Variants in SNX22 observed in about 807,000 individuals in gnomAD.
The protein encoded by SNX22 is sorting nexin-22.
Under a neutral mutation model 24.7 loss-of-function variants are expected in SNX22, and 23 were observed. That is an observed-to-expected ratio of 0.93 (90% CI 0.67 to 1.32). The LOEUF (loss-of-function observed/expected upper bound fraction) is 1.32, where lower values mean the gene tolerates loss of function less well. SNX22 is among the 40% of genes most tolerant of loss of function. SNX22 has a pLI of 0.00. For synonymous variants in SNX22, 99 were observed against 104.0 expected, an observed-to-expected ratio of 0.95 and a Z score of 0.29; for missense variants, 261 against 249.9, an observed-to-expected ratio of 1.04 and a Z score of -0.30.
At position 64,155,701 on chromosome 15, in the gene SNX22, C is replaced by G. The variant is rs945175963; in HGVS notation, c.*1193C>G. The G allele has an allele frequency of 8.8e-6, 3 of 341,230 alleles. No homozygotes were observed. Among genetic ancestry groups the G allele is most frequent in the African/African-American group, 6.3e-5 (3 of 47,256 alleles). 21.1% of individuals were successfully genotyped at this position (341,230 alleles called of 1,614,324 possible). A position where few individuals can be genotyped will look rare whatever the true frequency, so the allele number is the denominator to read the frequency against. Reference sequence around the variant, plus strand: ...CTGGGTAGCTCCTGGGTCAAAATTTCAGGCAGGATCCCAGGGAAGGGGCAG... The same window carrying G: ...CTGGGTAGCTCCTGGGTCAAAATTTGAGGCAGGATCCCAGGGAAGGGGCAG... On this transcript the variant is annotated 3_prime_UTR_variant, in exon 7 of 7. Transcript: ENST00000325881.
rs1039182148 is a variant in SNX22, at chr15:64,155,288, A to G, written c.*780A>G. The G allele has an allele frequency of 6.6e-6, 1 of 151,530 alleles. No individual in the cohort carries two copies. Among genetic ancestry groups the G allele is most frequent in the Non-Finnish European group, 1.5e-5 (1 of 68,238 alleles). 9.4% of individuals were successfully genotyped at this position (151,530 alleles called of 1,614,324 possible). On this transcript the variant is annotated 3_prime_UTR_variant, in exon 7 of 7. Transcript: ENST00000325881. ...CAAGGCAGGAGAATCTCTTGAAGCC[A>G]GGAGGCGGAAGTTGTGGTGAGCCGA...
chr15:64,156,956 C>A lies in SNX22; in HGVS notation c.*2448C>A. 2 of 1,592,432 alleles carry A rather than the reference C, an allele frequency of 1.3e-6. No homozygotes were observed. Among genetic ancestry groups the A allele is most frequent in the Middle Eastern group, 1.8e-4 (1 of 5,434 alleles). Reference sequence around the variant, plus strand: ...GTCAGGGGCGCTGGATTGCGCCAAACCAAGCAGACATTCGGGGCCAGGACT... The same window carrying A: ...GTCAGGGGCGCTGGATTGCGCCAAAACAAGCAGACATTCGGGGCCAGGACT... On this transcript the variant is annotated 3_prime_UTR_variant, in exon 7 of 7. Coordinates refer to ENST00000325881, the MANE Select transcript of SNX22 (RefSeq NM_024798.3). This position sits in a 1 kb window ranked among gnomAD's most constrained non-coding sequence, Gnocchi z 6.4.
In SNX22 at chr15:64,153,232, C is replaced by T. The variant is rs776409227; in HGVS notation, c.265-13C>T. The T allele has an allele frequency of 1.2e-5, 19 of 1,614,008 alleles. No homozygotes were observed. In the Admixed American group the frequency reaches 3.2e-4, roughly 27 times the overall value. ...AGCTGGGTCTGATTGCAGGTCTCCTCTGTCCTCTCCAGGGCATCCTGTACC... is the reference window on the plus strand; with the variant it reads ...AGCTGGGTCTGATTGCAGGTCTCCTTTGTCCTCTCCAGGGCATCCTGTACC... On this transcript the variant is annotated splice_polypyrimidine_tract_variant and intron_variant, in intron 3 of 6. Transcript: ENST00000325881.
intron 3 of SNX22, 44 bp downstream of exon 3, chr15:64,152,786 G>C (rs778192272): frequency 2.0e-5 from 32 of 1,570,326 alleles, no homozygotes; most frequent in Admixed American, 5.0e-5. Context: ...TTCTGTGCCA[G>C]GGGTGTGGCC....
rs760124673 is a variant in SNX22, at chr15:64,153,246, G to A, written c.266G>A (p.Gly89Asp). Residue 89 changes from glycine (G) to aspartate (D), a missense_variant and splice_region_variant, in exon 4 of 7, where the codon GGC becomes GAC. By Grantham distance (94) the Gly-to-Asp change is moderately conservative. Coordinates refer to ENST00000325881, the MANE Select transcript of SNX22 (RefSeq NM_024798.3). ...RRQGLEAYIQ[G>D]ILYLNQEVPK... The stretch of plus-strand genomic sequence containing the variant: ...GCAGGTCTCCTCTGTCCTCTCCAGG[G>A]CATCCTGTACCTGAACCAGGAGGTG... 6.8e-6 allele frequency: 11 copies of A among 1,614,042 alleles called. No homozygotes were observed. The highest frequency in any genetic ancestry group is 1.7e-5 in the Admixed American group (1 of 60,008).
In SNX22 at chr15:64,156,496, AGGCTCTGGCAGTTGTGCAGCCTTCCT is replaced by A. The variant is rs2081532699; in HGVS notation, c.*1993_*2018del. ...CGTCACTGAGTGAAGGAGGGGAGGG[AGGCTCTGGCAGTTGTGCAGCCTTCCT>A]GGCTGGGCTCTGAGGGGGCTGGAAG... is the stretch of plus-strand genomic sequence containing the variant. On this transcript the variant is annotated 3_prime_UTR_variant, in exon 7 of 7. Transcript: ENST00000325881. The surrounding 1 kb of genome is among the most constrained non-coding windows in gnomAD (Gnocchi z 6.4). 3 of 639,860 alleles carry A rather than the reference AGGCTCTGGCAGTTGTGCAGCCTTCCT, an allele frequency of 4.7e-6. No individual in the cohort carries two copies. The Admixed American group carries it at 7.7e-5, about 16-fold the overall frequency. 39.6% of individuals were successfully genotyped at this position (639,860 alleles called of 1,614,324 possible).
rs2081532186 is a variant in SNX22, at chr15:64,156,454, CA to C, written c.*1947del. 2 of 617,172 alleles carry C rather than the reference CA, an allele frequency of 3.2e-6. No individual in the cohort carries two copies. Among genetic ancestry groups the C allele is most frequent in the Admixed American group, 2.7e-5 (1 of 37,210 alleles). The allele number at this position is 617,172 out of a possible 1,614,324, so 38.2% of individuals were successfully genotyped here. A position where few individuals can be genotyped will look rare whatever the true frequency, so the allele number is the denominator to read the frequency against. On this transcript the variant is annotated 3_prime_UTR_variant, in exon 7 of 7. Coordinates refer to ENST00000325881, the MANE Select transcript of SNX22 (RefSeq NM_024798.3). This position sits in a 1 kb window ranked among gnomAD's most constrained non-coding sequence, Gnocchi z 6.4. ...GCGTTCAGCTGCACTCTGTATACCT[CA>C]GGGGTGGGACCAGCACGTCACTGAG...
rs2081513502 is a variant in SNX22, at chr15:64,154,663, T to C, written c.*155T>C. 9 of 982,492 alleles carry C rather than the reference T, an allele frequency of 9.2e-6. No homozygotes were observed. Among genetic ancestry groups the C allele is most frequent in the Non-Finnish European group, 1.3e-5 (9 of 667,630 alleles). 60.9% of individuals were successfully genotyped at this position (982,492 alleles called of 1,614,324 possible). On this transcript the variant is annotated 3_prime_UTR_variant, in exon 7 of 7. Transcript: ENST00000325881. Reference sequence around the variant, plus strand: ...TCCCACTCAAGGCTCAGAACTTGGCTCGCATTGGTAGCTGGAGGTGGTAGA... The same window carrying C: ...TCCCACTCAAGGCTCAGAACTTGGCCCGCATTGGTAGCTGGAGGTGGTAGA...
Position 64,156,653 on chromosome 15 carries a change from C to A in SNX22, c.*2145C>A, listed in dbSNP as rs2140180817. The A allele has an allele frequency of 1.9e-6, 3 of 1,571,302 alleles. No homozygotes were observed. The highest frequency in any genetic ancestry group is 2.6e-6 in the Non-Finnish European group (3 of 1,141,324). On this transcript the variant is annotated 3_prime_UTR_variant, in exon 7 of 7. Coordinates refer to ENST00000325881, the MANE Select transcript of SNX22 (RefSeq NM_024798.3). This position sits in a 1 kb window ranked among gnomAD's most constrained non-coding sequence, Gnocchi z 6.4. ...TTGGGAAAGGGATGGACACATGGAG[C>A]TCCTGCCCTGGGGTCTGTGTTGAAT...
chr15:64,156,136 G>A lies in SNX22; in HGVS notation c.*1628G>A, dbSNP rs767732148. On this transcript the variant is annotated 3_prime_UTR_variant, in exon 7 of 7. Transcript: ENST00000325881. The surrounding 1 kb of genome is among the most constrained non-coding windows in gnomAD (Gnocchi z 6.4). ...TCTGTCTTGGTGCTCTCCACCTTCCGCACCACCTCCTGGAAAAGAAAGGTG... is the reference window on the plus strand; with the variant it reads ...TCTGTCTTGGTGCTCTCCACCTTCCACACCACCTCCTGGAAAAGAAAGGTG... 4.3e-6 allele frequency: 7 copies of A among 1,613,970 alleles called. No homozygotes were observed. Among genetic ancestry groups the A allele is most frequent in the African/African-American group, 1.3e-5 (1 of 74,910 alleles).
Position 64,152,162 on chromosome 15 carries a change from G to A in SNX22, c.76-81G>A, listed in dbSNP as rs894659922. Reference sequence around the variant, plus strand: ...TTTGTGCCTTTGAGAGCGGGAGGGTGGGCACGTCGCCAGGCGCAGGTGCTG... The same window carrying A: ...TTTGTGCCTTTGAGAGCGGGAGGGTAGGCACGTCGCCAGGCGCAGGTGCTG... On this transcript the variant is annotated intron_variant, in intron 1 of 6. Transcript: ENST00000325881. 11 of 1,251,564 alleles carry A rather than the reference G, an allele frequency of 8.8e-6. No homozygotes were observed. The African/African-American group carries it at 1.1e-4, about 13-fold the overall frequency. The allele number at this position is 1,251,564 out of a possible 1,614,324, so 77.5% of individuals were successfully genotyped here. A position where few individuals can be genotyped will look rare whatever the true frequency, so the allele number is the denominator to read the frequency against.
chr15:64,153,878 CTG>C, intron 5 of SNX22, 55 bp from the exon 6 acceptor site: 1 of 1,594,838 alleles, frequency 6.3e-7, no homozygotes. Context: ...CTCCACCCCT[CTG>C]TGGGATTCTG....
chr15:64,157,084 C>G lies in SNX22; in HGVS notation c.*2576C>G, dbSNP rs2081538853. On this transcript the variant is annotated 3_prime_UTR_variant, in exon 7 of 7. Transcript: ENST00000325881. The surrounding 1 kb of genome is among the most constrained non-coding windows in gnomAD (Gnocchi z 4.2). ...CTTCTGGCCTCAGAGCCAAGCCATG[C>G]TGACTGAGGCCAAGTGGGGCATCAG... 1 of 667,220 alleles carries G rather than the reference C, an allele frequency of 1.5e-6. No individual in the cohort carries two copies. Among genetic ancestry groups the G allele is most frequent in the Non-Finnish European group, 2.5e-6 (1 of 396,154 alleles). The allele number at this position is 667,220 out of a possible 1,614,324, so 41.3% of individuals were successfully genotyped here. A position where few individuals can be genotyped will look rare whatever the true frequency, so the allele number is the denominator to read the frequency against.
chr15:64,153,675 G>A lies in SNX22; in HGVS notation c.383G>A (p.Gly128Asp). The change falls in exon 5 of 7, where the codon GGC becomes GAC. Residue 128 changes from glycine (G) to aspartate (D), a missense_variant. Physicochemically the swap from Gly to Asp is moderately conservative, Grantham distance 94. Coordinates refer to ENST00000325881, the MANE Select transcript of SNX22 (RefSeq NM_024798.3). ...NWGTLREFLP[G>D]DSSSQQHQRP... ...AGCACCCTGAGGGAGTTCCTGCCTG[G>A]CGACAGCAGGCAAGTCAAAGCCCTA... 2.5e-6 allele frequency: 4 copies of A among 1,614,048 alleles called. No homozygotes were observed. Among genetic ancestry groups the A allele is most frequent in the Non-Finnish European group, 3.4e-6 (4 of 1,180,012 alleles).
chr15:64,153,796 C>T lies in SNX22; in HGVS notation c.392+112C>T, dbSNP rs917523985. 3 of 1,595,004 alleles carry T rather than the reference C, an allele frequency of 1.9e-6. No homozygotes were observed. The South Asian group carries it at 3.3e-5, about 18-fold the overall frequency. ...TGGCCTGGGCCCTGAAGTCTGTTTT[C>T]CCTTTGGTGCCTCCTGAGCCCATTT... On this transcript the variant is annotated intron_variant, in intron 5 of 6. Transcript: ENST00000325881.
chr15:64,155,724 C>G lies in SNX22; in HGVS notation c.*1216C>G, dbSNP rs769822290. The G allele has an allele frequency of 2.6e-6, 1 of 380,700 alleles. No individual in the cohort carries two copies. The highest frequency in any genetic ancestry group is 2.4e-5 in the South Asian group (1 of 41,220). 23.6% of individuals were successfully genotyped at this position (380,700 alleles called of 1,614,324 possible). On this transcript the variant is annotated 3_prime_UTR_variant, in exon 7 of 7. Coordinates refer to ENST00000325881, the MANE Select transcript of SNX22 (RefSeq NM_024798.3). ...TTCAGGCAGGATCCCAGGGAAGGGG[C>G]AGGCACCCATTGCCACAGGAGAGTT...
intron 1 of SNX22, 64 bp from the exon 2 acceptor site, chr15:64,152,179 C>T: frequency 7.6e-7 from 1 of 1,323,192 alleles, no homozygotes; most frequent in South Asian, 1.7e-5. Context: ...TCGCCAGGCG[C>T]AGGTGCTGCG....
Position 64,157,316 on chromosome 15 carries a change from C to G in SNX22, c.*2808C>G, listed in dbSNP as rs8032139. On this transcript the variant is annotated 3_prime_UTR_variant, in exon 7 of 7. Transcript: ENST00000325881. This position sits in a 1 kb window ranked among gnomAD's most constrained non-coding sequence, Gnocchi z 4.2. ...AGAAAAGGAGGACTGCTGTGGCTGACCAGCCTGTTTTCCTATGAGCACAAA... is the reference window on the plus strand; with the variant it reads ...AGAAAAGGAGGACTGCTGTGGCTGAGCAGCCTGTTTTCCTATGAGCACAAA... 1 of 221,546 alleles carries G rather than the reference C, an allele frequency of 4.5e-6. No homozygotes were observed. Among genetic ancestry groups the G allele is most frequent in the South Asian group, 7.8e-5 (1 of 12,862 alleles). 13.7% of individuals were successfully genotyped at this position (221,546 alleles called of 1,614,324 possible).
rs755547351 is a variant in SNX22 at position 64,156,895 on chromosome 15, C to G, written c.*2387C>G. 5 of 1,614,084 alleles carry G rather than the reference C, an allele frequency of 3.1e-6. No homozygotes were observed. The highest frequency in any genetic ancestry group is 3.4e-6 in the Non-Finnish European group (4 of 1,179,996). On this transcript the variant is annotated 3_prime_UTR_variant, in exon 7 of 7. Transcript: ENST00000325881. This position sits in a 1 kb window ranked among gnomAD's most constrained non-coding sequence, Gnocchi z 6.4. Reference sequence around the variant, plus strand: ...AAGTTCTCATCGGGGAAGCGCTCACCGTAGATGCTCTTTCCTGGGAAAAAA... The same window carrying G: ...AAGTTCTCATCGGGGAAGCGCTCACGGTAGATGCTCTTTCCTGGGAAAAAA...
Sources: allele counts gnomAD v4.1 joint callset, GRCh38; gene constraint gnomAD v4.1.1; non-coding constraint Gnocchi (gnomAD v3.1); transcripts MANE v1.5; gene names NCBI Gene and HGNC (gene_info 2026-07-23, HGNC 2026-07-21).